ANAPC7: variants seen among roughly 807,000 people sequenced by gnomAD.
ANAPC7 encodes anaphase promoting complex subunit 7, also known as anaphase-promoting complex subunit 7.
A neutral mutation model predicts 63.3 loss-of-function variants in ANAPC7; 25 were observed. The observed-to-expected ratio is 0.39, with a 90% CI of 0.29 to 0.55. The LOEUF (loss-of-function observed/expected upper bound fraction) is 0.55. Ranked by LOEUF, ANAPC7 falls within the 20% of genes least tolerant of loss-of-function variation. The probability of loss-of-function intolerance (pLI) is 0.57; values close to 1 mark genes in which losing one functional copy is unlikely to be tolerated. For synonymous variants in ANAPC7, 241 were observed against 251.7 expected, an observed-to-expected ratio of 0.96 and a Z score of 0.40; for missense variants, 516 against 691.7, an observed-to-expected ratio of 0.75 and a Z score of 2.85.
intron 1 of ANAPC7, among the ~76,000 whole-genome samples, chr12:110,403,027 C>A (rs558465996): frequency 6.6e-6 from 1 of 152,310 alleles, no homozygotes; most frequent in Non-Finnish European, 1.5e-5. Context: ...GAGGCGTGAG[C>A]CACCGCGCCC....
chr12:110,398,628 G>A lies in ANAPC7; in HGVS notation c.102-2176C>T, dbSNP rs1231018407. Among the ~76,000 whole-genome samples the A allele has an allele frequency of 4.6e-5, 7 of 152,168 alleles. No homozygotes were observed. The East Asian group carries it at 1.2e-3, about 25-fold the overall frequency. On this transcript the variant is annotated intron_variant, in intron 1 of 10. Transcript: ENST00000455511. ...CAATTCCACTCCTTCCCAAATAAGAGGAAGAAGTTTACTGTTTTTCTTTGA... is the reference window on the plus strand; with the variant it reads ...CAATTCCACTCCTTCCCAAATAAGAAGAAGAAGTTTACTGTTTTTCTTTGA...
chr12:110,390,689 T>C (rs1030983888), intron 3 of ANAPC7, among the ~76,000 whole-genome samples: 3 of 152,152 alleles, frequency 2.0e-5, no homozygotes, highest in African/African-American at 7.2e-5. Context: ...ATTTTGAAAA[T>C]GCAAAGAAAA....
In ANAPC7 at chr12:110,376,568, C is replaced by CAAA. The variant is rs57434475; in HGVS notation, c.1358-355_1358-353dup. Among the ~76,000 whole-genome samples, 89 of 62,372 alleles carry CAAA rather than the reference C, an allele frequency of 1.4e-3. 1 individual carries two copies. The highest frequency in any genetic ancestry group is 0.011 in the South Asian group (17 of 1,480). 40.9% of individuals were successfully genotyped at this position (62,372 alleles called of 152,430 possible). ...TGGGCAACAGAGCGAGACTCCATCT[C>CAAA]AAAAAAAAAAAAAAAAAAGAAATTT... On this transcript the variant is annotated intron_variant, in intron 9 of 10. Transcript: ENST00000455511.
chr12:110,380,966 T>C (rs1480082832), intron 8 of ANAPC7, among the ~76,000 whole-genome samples: 5 of 148,616 alleles, frequency 3.4e-5, no homozygotes, highest in African/African-American at 1.0e-4. Flanking sequence ...AGAAAAAAAA[T>C]AGGCAAACTA....
Position 110,403,687 on chromosome 12 carries a change from T to C in ANAPC7, c.-60A>G, listed in dbSNP as rs573550338. ...ACTGACTCGAAAAGCCGGTAGAGGATCCTTAGGGAAGACTCCAAAATGGCG... is the reference window on the plus strand; with the variant it reads ...ACTGACTCGAAAAGCCGGTAGAGGACCCTTAGGGAAGACTCCAAAATGGCG... On this transcript the variant is annotated 5_prime_UTR_variant, in exon 1 of 11. Transcript: ENST00000455511. The C allele has an allele frequency of 1.9e-6, 3 of 1,553,542 alleles. No homozygotes were observed. Among genetic ancestry groups the C allele is most frequent in the Non-Finnish European group, 2.6e-6 (3 of 1,148,140 alleles).
At position 110,388,465 on chromosome 12, in the gene ANAPC7, T is replaced by C. The variant is rs1466316482; in HGVS notation, c.520+47A>G. On this transcript the variant is annotated intron_variant, in intron 4 of 10. Transcript: ENST00000455511. ...GTACAGGCAAGATTGAGAACTACTA[T>C]CTTTGACAGTAAACATGCCATGAAA... 4 of 1,450,740 alleles carry C rather than the reference T, an allele frequency of 2.8e-6. No homozygotes were observed. The African/African-American group carries it at 4.2e-5, about 15-fold the overall frequency. The allele number at this position is 1,450,740 out of a possible 1,614,324, so 89.9% of individuals were successfully genotyped here.
chr12:110,390,736 C>T (rs1468736352), intron 3 of ANAPC7, among the ~76,000 whole-genome samples: 1 of 152,122 alleles, frequency 6.6e-6, no homozygotes, highest in Non-Finnish European at 1.5e-5. Flanking sequence ...GATGTCAATA[C>T]TTGTAAAGAA....
At chr12:110,396,028 C>T (rs1262553745) in intron 2 of ANAPC7, among the ~76,000 whole-genome samples, 1 of 152,100 alleles carries the variant, frequency 6.6e-6, no homozygotes, top group African/African-American at 2.4e-5. Context: ...AACACACAAC[C>T]TAGATCCTAG....
At chr12:110,390,954 G>A (rs1455098089) in intron 3 of ANAPC7, among the ~76,000 whole-genome samples, 2 of 152,210 alleles carry the variant, frequency 1.3e-5, no homozygotes, top group Non-Finnish European at 1.5e-5. Context: ...CACTTTGGGA[G>A]GCCGAGGTGG....
At chr12:110,401,018 C>T (rs886783912) in intron 1 of ANAPC7, among the ~76,000 whole-genome samples, 3 of 152,126 alleles carry the variant, frequency 2.0e-5, no homozygotes, top group African/African-American at 7.2e-5. Flanking sequence ...CCACTGCACT[C>T]CAGCCTGGGC....
intron 3 of ANAPC7, 145 bp downstream of exon 3, chr12:110,394,956 A>AC: frequency 1.1e-6 from 1 of 912,584 alleles, no homozygotes; most frequent in Non-Finnish European, 1.6e-6. Context: ...AGGGTCCCCC[A>AC]CCCCCACTCC....
chr12:110,395,943 G>C lies in ANAPC7; in HGVS notation c.288+323C>G, dbSNP rs55634798. 4.2e-3 allele frequency among the ~76,000 whole-genome samples: 633 copies of C among 152,168 alleles called. 8 individuals are homozygous for C. Among genetic ancestry groups the C allele is most frequent in the African/African-American group, 0.014 (575 of 41,510 alleles). On this transcript the variant is annotated intron_variant, in intron 2 of 10. Coordinates refer to ENST00000455511, the MANE Select transcript of ANAPC7 (RefSeq NM_016238.3). ...CATGAAAGACAATTTTTCCACAGAT[G>C]GGGGGTGAGGGGGTGGTTTCAGGAT...
intron 5 of ANAPC7, 60 bp from the exon 6 acceptor site, chr12:110,386,529 G>GA (rs1448208755): frequency 8.6e-6 from 12 of 1,388,174 alleles, no homozygotes. Flanking sequence ...CTTAGTTGCT[G>GA]AATCTGGATG....
At chr12:110,396,243 AT>A in intron 2 of ANAPC7, 22 bp downstream of exon 2, 2 of 1,569,522 alleles carry the variant, frequency 1.3e-6, no homozygotes, top group South Asian at 1.2e-5. Context: ...AAAAAAAAAA[AT>A]CACAATTCTA....
chr12:110,379,811 G>T (rs1289477614), intron 8 of ANAPC7, among the ~76,000 whole-genome samples: 1 of 152,186 alleles, frequency 6.6e-6, no homozygotes, highest in South Asian at 2.1e-4. Context: ...CATCTTGTAA[G>T]ATCTATTTTA....
chr12:110,401,950 C>CAAAAAAAA (rs747810973), intron 1 of ANAPC7, among the ~76,000 whole-genome samples: 3 of 46,106 alleles, frequency 6.5e-5, no homozygotes, highest in Non-Finnish European at 1.3e-4. Context: ...GACTCCGTCT[C>CAAAAAAAA]AAAAAAAAAA....
chr12:110,394,637 C>G (rs977594119), intron 3 of ANAPC7, among the ~76,000 whole-genome samples: 1 of 135,112 alleles, frequency 7.4e-6, no homozygotes, highest in Non-Finnish European at 1.5e-5. Flanking sequence ...CTATTGCACT[C>G]CAGCCTGGGC....
At chr12:110,382,785 C>T in intron 7 of ANAPC7, 58 bp downstream of exon 7, 1 of 1,389,020 alleles carries the variant, frequency 7.2e-7, no homozygotes, top group Non-Finnish European at 1.0e-6. Context: ...TCTTCAAGAG[C>T]AACCATTATC....
At chr12:110,382,461 A>ATATATATATATAT (rs1321570855) in intron 7 of ANAPC7, among the ~76,000 whole-genome samples, 3 of 30,842 alleles carry the variant, frequency 9.7e-5, no homozygotes, top group East Asian at 7.2e-4. Flanking sequence ...AAAAAAAAAA[A>ATATATATATATAT]ATATATATAT....
Sources: allele counts gnomAD v4.1 joint callset (sites outside exome capture counted in the v4.1 genomes callset), GRCh38; gene constraint gnomAD v4.1.1; transcripts MANE v1.5; gene names NCBI Gene and HGNC (gene_info 2026-07-23, HGNC 2026-07-21).